The following DGCR2 variants were observed in gnomAD, a reference collection of about 807,000 sequenced individuals.
DGCR2 encodes integral membrane protein DGCR2/IDD.
A neutral mutation model predicts 51.6 loss-of-function variants in DGCR2; 24 were observed. The observed-to-expected ratio is 0.47, with a 90% CI of 0.34 to 0.65. DGCR2 has a LOEUF of 0.65. Among genes scored for constraint, DGCR2 ranks in the 30% least tolerant of loss-of-function variants. The pLI is 0.01. For synonymous variants in DGCR2, 340 were observed against 315.4 expected (o/e 1.08, Z -0.82); for missense variants, 765 against 772.1 (o/e 0.99, Z 0.11).
intron 9 of DGCR2, among the ~76,000 whole-genome samples, chr22:19,039,941 T>C (rs1043572439): frequency 2.6e-5 from 4 of 152,026 alleles, no homozygotes; most frequent in Admixed American, 6.5e-5. Flanking sequence ...CTGGGCAACA[T>C]AGTGAGACCC....
chr22:19,081,170 T>C (rs1012069020), intron 2 of DGCR2, among the ~76,000 whole-genome samples: 1 of 152,254 alleles, frequency 6.6e-6, no homozygotes, highest in Non-Finnish European at 1.5e-5. Context: ...AAAGAATGTA[T>C]GTAGCACACA....
chr22:19,043,412 T>TGG (rs78238434), intron 7 of DGCR2, among the ~76,000 whole-genome samples: 2,527 of 152,090 alleles, frequency 0.017, 92 homozygotes, highest in East Asian at 0.062. Context: ...ATGACATGAG[T>TGG]GGTAGCAGGC....
At chr22:19,117,550 C>T (rs1410147404) in intron 1 of DGCR2, among the ~76,000 whole-genome samples, 1 of 152,218 alleles carries the variant, frequency 6.6e-6, no homozygotes, top group African/African-American at 2.4e-5. Context: ...CAAGGATAAA[C>T]GGCCATGGCG....
chr22:19,078,715 T>C (rs969384472), intron 2 of DGCR2, among the ~76,000 whole-genome samples: 5 of 152,338 alleles, frequency 3.3e-5, no homozygotes, highest in African/African-American at 7.2e-5. Context: ...TTGCATTACA[T>C]TTGGTCCAAG....
chr22:19,063,287 C>A lies in DGCR2; in HGVS notation c.549-9G>T. 3 of 1,613,402 alleles carry A rather than the reference C, an allele frequency of 1.9e-6. No individual in the cohort carries two copies. The highest frequency in any genetic ancestry group is 2.5e-6 in the Non-Finnish European group (3 of 1,179,448). On this transcript the variant is annotated splice_polypyrimidine_tract_variant and intron_variant, in intron 4 of 9. Transcript: ENST00000263196. ...GATAGCCAACCCACAACCTGCAGGGCACAGAGACAGAGACAGAGATCTCAG... is the reference window on the plus strand; with the variant it reads ...GATAGCCAACCCACAACCTGCAGGGAACAGAGACAGAGACAGAGATCTCAG...
intron 6 of DGCR2, among the ~76,000 whole-genome samples, chr22:19,051,764 G>C (rs975768097): frequency 1.3e-5 from 2 of 152,166 alleles, no homozygotes; most frequent in Non-Finnish European, 2.9e-5. Flanking sequence ...GAAAACGGAA[G>C]AATAATGTGA....
intron 2 of DGCR2, among the ~76,000 whole-genome samples, chr22:19,082,097 A>T: frequency 1.4e-5 from 2 of 142,332 alleles, no homozygotes; most frequent in Admixed American, 7.3e-5. Context: ...TCTCACTCTG[A>T]TGTCCAGTGG....
chr22:19,074,137 T>C (rs546629989), intron 2 of DGCR2, among the ~76,000 whole-genome samples: 27 of 152,226 alleles, frequency 1.8e-4, no homozygotes, highest in African/African-American at 6.5e-4. Context: ...CTTAAAAAAT[T>C]AAACATGGCT....
intron 4 of DGCR2, 39 bp downstream of exon 4, chr22:19,064,807 ACT>A (rs776340480): frequency 8.9e-6 from 14 of 1,573,104 alleles, no homozygotes; most frequent in Non-Finnish European, 1.2e-5. Context: ...TAGTCATCAG[ACT>A]CTGACTCCAG....
chr22:19,084,681 C>T (rs1601256256), intron 2 of DGCR2, among the ~76,000 whole-genome samples: 1 of 112,166 alleles, frequency 8.9e-6, no homozygotes, highest in African/African-American at 3.1e-5. Flanking sequence ...GGGTCAGCCC[C>T]CGCCCGGCCA....
intron 7 of DGCR2, among the ~76,000 whole-genome samples, chr22:19,044,813 C>T (rs1601504462): frequency 2.0e-5 from 3 of 152,342 alleles, no homozygotes; most frequent in Non-Finnish European, 4.4e-5. Context: ...TCTTCTAAAG[C>T]CATTTTTCAA....
intron 1 of DGCR2, among the ~76,000 whole-genome samples, chr22:19,105,942 C>A (rs2083257260): frequency 6.6e-6 from 1 of 152,152 alleles, no homozygotes; most frequent in Admixed American, 6.5e-5. Context: ...CCAGTCCCTG[C>A]AGCTCTCCCC....
intron 6 of DGCR2, 146 bp from the exon 7 acceptor site, chr22:19,048,789 G>A (rs1004179158): frequency 2.1e-5 from 16 of 772,414 alleles, no homozygotes; most frequent in Non-Finnish European, 3.0e-5. Flanking sequence ...GAGGCAGCTG[G>A]AGGGGGCATG....
intron 1 of DGCR2, among the ~76,000 whole-genome samples, chr22:19,097,292 ACGCCTGTAAT>A (rs2083152471): frequency 6.6e-6 from 1 of 152,112 alleles, no homozygotes; most frequent in South Asian, 2.1e-4. Context: ...GCAGTGGCTC[ACGCCTGTAAT>A]CCCAGCACTT....
At chr22:19,074,618 T>C (rs1013758189) in intron 2 of DGCR2, among the ~76,000 whole-genome samples, 5 of 152,046 alleles carry the variant, frequency 3.3e-5, no homozygotes, top group Non-Finnish European at 7.4e-5. Flanking sequence ...AAATACCAAA[T>C]GAAACAGCTA....
chr22:19,054,234 A>G (rs1295743356), intron 6 of DGCR2, among the ~76,000 whole-genome samples: 1 of 152,238 alleles, frequency 6.6e-6, no homozygotes, highest in Admixed American at 6.5e-5. Flanking sequence ...ACTGAAGTAT[A>G]AAACGCTTAA....
intron 6 of DGCR2, among the ~76,000 whole-genome samples, chr22:19,049,818 C>A (rs1380781387): frequency 7.8e-6 from 1 of 127,728 alleles, no homozygotes; most frequent in African/African-American, 3.3e-5. Flanking sequence ...CAGCATGAGA[C>A]TCTGTCTCAA....
At chr22:19,052,623 A>T (rs1253666134) in intron 6 of DGCR2, among the ~76,000 whole-genome samples, 1 of 146,400 alleles carries the variant, frequency 6.8e-6, no homozygotes, top group Non-Finnish European at 1.5e-5. Flanking sequence ...AAAAAAAAAA[A>T]TACAAAAATA....
chr22:19,067,760 T>C (rs1215466935), intron 3 of DGCR2, among the ~76,000 whole-genome samples: 1 of 152,166 alleles, frequency 6.6e-6, no homozygotes, highest in East Asian at 1.9e-4. Context: ...TTTATTGCTG[T>C]ATCTAAACTC....
Sources: allele counts gnomAD v4.1 joint callset (sites outside exome capture counted in the v4.1 genomes callset), GRCh38; gene constraint gnomAD v4.1.1; transcripts MANE v1.5; gene names NCBI Gene and HGNC (gene_info 2026-07-23, HGNC 2026-07-21).